Variants in GPC6 observed in about 807,000 individuals in gnomAD.
GPC6 encodes glypican 6.
A neutral mutation model predicts 55.2 loss-of-function variants in GPC6; 14 were observed. That is an observed-to-expected ratio of 0.25 (90% CI 0.17 to 0.40). The LOEUF is 0.40. GPC6 is among the 10% of genes least tolerant of loss of function. The probability of loss-of-function intolerance (pLI) is 1.00; values close to 1 mark genes in which losing one functional copy is unlikely to be tolerated. For synonymous variants in GPC6, 278 were observed against 259.6 expected, an observed-to-expected ratio of 1.07 and a Z score of -0.68; for missense variants, 641 against 708.5, an observed-to-expected ratio of 0.90 and a Z score of 1.08.
intron 1 of GPC6, among the ~76,000 whole-genome samples, chr13:93,356,203 T>C (rs1880844541): frequency 6.6e-6 from 1 of 152,158 alleles, no homozygotes; most frequent in South Asian, 2.1e-4. Flanking sequence ...TGAAATAATA[T>C]CACCCATTTA....
intron 2 of GPC6, among the ~76,000 whole-genome samples, chr13:93,679,918 G>A (rs1881786488): frequency 1.3e-5 from 2 of 152,000 alleles, no homozygotes; most frequent in South Asian, 4.1e-4. Context: ...TGGGACATGT[G>A]CCCTCAGTGC....
intron 1 of GPC6, among the ~76,000 whole-genome samples, chr13:93,229,215 TTTAA>T: frequency 6.6e-6 from 1 of 152,018 alleles, no homozygotes; most frequent in Non-Finnish European, 1.5e-5. Flanking sequence ...TTTCATTCTT[TTTAA>T]TTAATTGATA....
intron 2 of GPC6, among the ~76,000 whole-genome samples, chr13:93,645,252 T>G (rs576233474): frequency 9.2e-5 from 14 of 152,158 alleles, no homozygotes; most frequent in African/African-American, 2.2e-4. Flanking sequence ...CTACTGTTTT[T>G]TTTTTTTTTT....
chr13:93,721,501 G>C (rs902978069), intron 2 of GPC6, among the ~76,000 whole-genome samples: 1 of 151,602 alleles, frequency 6.6e-6, no homozygotes, highest in Non-Finnish European at 1.5e-5. Context: ...ACACAAATTT[G>C]CTGATGAGAT....
At chr13:93,976,162 C>A (rs1054673172) in intron 3 of GPC6, among the ~76,000 whole-genome samples, 1 of 152,098 alleles carries the variant, frequency 6.6e-6, no homozygotes, top group Non-Finnish European at 1.5e-5. Flanking sequence ...GAAATATATT[C>A]TTTCTATGTC....
At chr13:93,355,150 CT>C in intron 1 of GPC6, among the ~76,000 whole-genome samples, 1 of 152,256 alleles carries the variant, frequency 6.6e-6, no homozygotes, top group South Asian at 2.1e-4. Flanking sequence ...CGTTCCTCTC[CT>C]GTTTTTCTCC....
At chr13:93,547,962 G>T (rs558922603) in intron 2 of GPC6, among the ~76,000 whole-genome samples, 41 of 152,138 alleles carry the variant, frequency 2.7e-4, no homozygotes, top group African/African-American at 9.2e-4. Context: ...CATTCATGTG[G>T]GTAGTTTTCC....
chr13:93,665,912 C>T (rs1435070290), intron 2 of GPC6, among the ~76,000 whole-genome samples: 1 of 152,128 alleles, frequency 6.6e-6, no homozygotes, highest in East Asian at 1.9e-4. Flanking sequence ...ATCATTTATT[C>T]CCTCAACTAA....
At chr13:93,700,145 C>G (rs1228887677) in intron 2 of GPC6, among the ~76,000 whole-genome samples, 1 of 152,024 alleles carries the variant, frequency 6.6e-6, no homozygotes, top group Non-Finnish European at 1.5e-5. Flanking sequence ...GAAAACAAAG[C>G]TGTCCAGCAA....
chr13:94,258,603 T>C (rs1177153243), intron 4 of GPC6, among the ~76,000 whole-genome samples: 1 of 152,216 alleles, frequency 6.6e-6, no homozygotes, highest in Admixed American at 6.5e-5. Context: ...ATTTCTAACT[T>C]TGTTAGGATA....
At chr13:94,194,692 T>C (rs932336471) in intron 4 of GPC6, among the ~76,000 whole-genome samples, 3 of 152,216 alleles carry the variant, frequency 2.0e-5, no homozygotes, top group South Asian at 4.1e-4. Context: ...ATCTCACAAA[T>C]CACCACTAAA....
intron 6 of GPC6, among the ~76,000 whole-genome samples, chr13:94,320,668 G>A (rs1424045881): frequency 5.3e-5 from 8 of 152,152 alleles, no homozygotes; most frequent in Admixed American, 5.2e-4. Context: ...CAAGGCTTAA[G>A]GTCATCTGGG....
At chr13:93,493,972 T>C (rs1486051442) in intron 1 of GPC6, among the ~76,000 whole-genome samples, 1 of 124,856 alleles carries the variant, frequency 8.0e-6, no homozygotes, top group Non-Finnish European at 1.7e-5. Context: ...ATAGGTGTGG[T>C]GTGATGCTGA....
chr13:93,405,965 T>C (rs533187390), intron 1 of GPC6, among the ~76,000 whole-genome samples: 1 of 152,278 alleles, frequency 6.6e-6, no homozygotes, highest in South Asian at 2.1e-4. Flanking sequence ...TGGTGTTGGG[T>C]GTTCAGATGA....
intron 7 of GPC6, among the ~76,000 whole-genome samples, chr13:94,392,588 C>T (rs866753651): frequency 5.3e-5 from 8 of 151,902 alleles, no homozygotes; most frequent in African/African-American, 1.7e-4. Context: ...CGCCACCACG[C>T]GTGGCTAATT....
At chr13:94,233,923 G>A (rs146383622) in intron 4 of GPC6, among the ~76,000 whole-genome samples, 44 of 152,122 alleles carry the variant, frequency 2.9e-4, no homozygotes, top group Non-Finnish European at 4.7e-4. Context: ...GAGGGTCTTC[G>A]AACATACCCC....
intron 3 of GPC6, among the ~76,000 whole-genome samples, chr13:93,956,772 A>T (rs900285232): frequency 6.6e-6 from 1 of 152,172 alleles, no homozygotes; most frequent in African/African-American, 2.4e-5. Flanking sequence ...ACCCACTTCT[A>T]TTTATCTGCA....
chr13:93,322,035 C>T (rs570739461), intron 1 of GPC6, among the ~76,000 whole-genome samples: 1 of 152,216 alleles, frequency 6.6e-6, no homozygotes, highest in Non-Finnish European at 1.5e-5. Flanking sequence ...TAAAATACAG[C>T]TAAATTAATT....
chr13:94,250,765 G>A (rs1410998184), intron 4 of GPC6, among the ~76,000 whole-genome samples: 1 of 152,116 alleles, frequency 6.6e-6, no homozygotes, highest in African/African-American at 2.4e-5. Flanking sequence ...GATAAAACAA[G>A]ATTGGCCGTG....
Sources: allele counts gnomAD v4.1 joint callset (sites outside exome capture counted in the v4.1 genomes callset), GRCh38; gene constraint gnomAD v4.1.1; transcripts MANE v1.5; gene names NCBI Gene and HGNC (gene_info 2026-07-23, HGNC 2026-07-21).